Variants in CD300A observed in about 807,000 individuals in gnomAD.
CD300A encodes CD300a molecule.
In CD300A, 22 loss-of-function variants were observed where a neutral mutation model predicts 33.6. The ratio of observed to expected loss-of-function variants is 0.66; its 90% confidence interval spans 0.47 to 0.94. The LOEUF (loss-of-function observed/expected upper bound fraction) is 0.94. CD300A is among the 40% of genes least tolerant of loss of function. CD300A has a pLI of 0.00. For missense variants in CD300A, 326 were observed against 360.5 expected (o/e 0.90, Z 0.77); for synonymous variants, 136 against 148.1 (o/e 0.92, Z 0.59).
chr17:74,474,018 G>C, intron 2 of CD300A, 144 bp downstream of exon 2: 1 of 905,910 alleles, frequency 1.1e-6, no homozygotes, highest in Non-Finnish European at 1.6e-6. Flanking sequence ...ACACAGTCAG[G>C]GGGTCTCTCC....
chr17:74,482,648 G>C (rs986678459), intron 6 of CD300A, among the ~76,000 whole-genome samples: 1 of 149,902 alleles, frequency 6.7e-6, no homozygotes, highest in Admixed American at 6.6e-5. Context: ...GTGGTCTGGG[G>C]GCCCAGGGTC....
rs1598113197 is a variant in CD300A, at chr17:74,484,343, A to C, written c.*217A>C. On this transcript the variant is annotated 3_prime_UTR_variant, in exon 7 of 7. Coordinates refer to ENST00000360141, the MANE Select transcript of CD300A (RefSeq NM_007261.4). ...GGGGCTCCGGAGAGCAGCAGGAAGC[A>C]CTCCCAGCCACCAGTGCCTGTCACC... 1.4e-5 allele frequency: 6 copies of C among 437,796 alleles called. No individual in the cohort carries two copies. The highest frequency in any genetic ancestry group is 3.9e-5 in the East Asian group (1 of 25,470). The allele number at this position is 437,796 out of a possible 1,614,324, so 27.1% of individuals were successfully genotyped here.
intron 6 of CD300A, among the ~76,000 whole-genome samples, chr17:74,482,762 A>G (rs1010378959): frequency 3.5e-5 from 5 of 143,446 alleles, no homozygotes; most frequent in Non-Finnish European, 4.4e-5. Context: ...CCAGGCTGGA[A>G]TGCAGTGGCA....
chr17:74,475,107 G>A (rs1270423162), intron 3 of CD300A, among the ~76,000 whole-genome samples: 1 of 152,138 alleles, frequency 6.6e-6, no homozygotes, highest in Non-Finnish European at 1.5e-5. Flanking sequence ...GTTCCACATG[G>A]CTGAGGAGGC....
chr17:74,474,514 T>A lies in CD300A; in HGVS notation c.380-18T>A. 1 of 1,613,464 alleles carries A rather than the reference T, an allele frequency of 6.2e-7. No individual in the cohort carries two copies. Among genetic ancestry groups the A allele is most frequent in the Non-Finnish European group, 8.5e-7 (1 of 1,179,570 alleles). ...CAGAGGACAGCTCCCTGGGTCTGAC[T>A]TGTGGTTTTGCCACCAGCATCAACG... On this transcript the variant is annotated intron_variant, in intron 2 of 6. Coordinates refer to ENST00000360141, the MANE Select transcript of CD300A (RefSeq NM_007261.4).
rs569245082 is a variant in CD300A, at chr17:74,466,644, C to T, written c.-60C>T. ...CGGGGCCTTGGAGGCGTGACTTTCC[C>T]CTCGGGTCCAGGTAGGGCCTGGAGC... On this transcript the variant is annotated 5_prime_UTR_variant, in exon 1 of 7. Coordinates refer to ENST00000360141, the MANE Select transcript of CD300A (RefSeq NM_007261.4). The T allele has an allele frequency of 6.5e-7, 1 of 1,549,898 alleles. No individual in the cohort carries two copies. Among genetic ancestry groups the T allele is most frequent in the Non-Finnish European group, 8.8e-7 (1 of 1,142,422 alleles).
At chr17:74,478,345 G>A (rs115684338) in intron 4 of CD300A, among the ~76,000 whole-genome samples, 6,100 of 152,274 alleles carry the variant, frequency 0.04, 190 homozygotes, top group Middle Eastern at 0.082. Context: ...GTGCTTCAAG[G>A]AGGTACAGAA....
At chr17:74,467,243 G>A (rs1222651807) in intron 1 of CD300A, among the ~76,000 whole-genome samples, 1 of 149,596 alleles carries the variant, frequency 6.7e-6, no homozygotes, top group Non-Finnish European at 1.5e-5. Flanking sequence ...GAGGGAGATA[G>A]GGTCGGGGTG....
chr17:74,468,507 A>T (rs2144499084), intron 1 of CD300A, among the ~76,000 whole-genome samples: 1 of 150,580 alleles, frequency 6.6e-6, no homozygotes, highest in Non-Finnish European at 1.5e-5. Context: ...TGGATTCTTA[A>T]TTTTTTTTAG....
Position 74,481,920 on chromosome 17 carries a change from G to A in CD300A, c.774+87G>A. The A allele has an allele frequency of 3.2e-6, 3 of 930,292 alleles. No individual in the cohort carries two copies. In the South Asian group the frequency reaches 4.4e-5, roughly 14 times the overall value. 57.6% of individuals were successfully genotyped at this position (930,292 alleles called of 1,614,324 possible). A position where few individuals can be genotyped will look rare whatever the true frequency, so the allele number is the denominator to read the frequency against. Reference sequence around the variant, plus strand: ...GAGGGTGGGCAGAAGGGGAAGGAAGGGGTCGGCTTGGTGATCTTGTGCCTG... The same window carrying A: ...GAGGGTGGGCAGAAGGGGAAGGAAGAGGTCGGCTTGGTGATCTTGTGCCTG... On this transcript the variant is annotated intron_variant, in intron 6 of 6. Transcript: ENST00000360141.
chr17:74,473,265 G>C (rs1906225731), intron 1 of CD300A, among the ~76,000 whole-genome samples: 1 of 152,108 alleles, frequency 6.6e-6, no homozygotes, highest in Non-Finnish European at 1.5e-5. Context: ...TGAGGGCTGG[G>C]GGTGCTGATG....
Position 74,480,609 on chromosome 17 carries a change from C to G in CD300A, c.629-680C>G, listed in dbSNP as rs1906773945. On this transcript the variant is annotated intron_variant, in intron 4 of 6. Coordinates refer to ENST00000360141, the MANE Select transcript of CD300A (RefSeq NM_007261.4). The surrounding 1 kb of genome is among the most constrained non-coding windows in gnomAD (Gnocchi z 4.2). Reference sequence around the variant, plus strand: ...AGAGGCCCCAGCAACTTCCCACAGTCTGATGCAGCCCTAAGCCCCAGATGC... The same window carrying G: ...AGAGGCCCCAGCAACTTCCCACAGTGTGATGCAGCCCTAAGCCCCAGATGC... 6.6e-6 allele frequency among the ~76,000 whole-genome samples: 1 copy of G among 152,206 alleles called. No homozygotes were observed. The highest frequency in any genetic ancestry group is 6.5e-5 in the Admixed American group (1 of 15,282).
intron 1 of CD300A, among the ~76,000 whole-genome samples, chr17:74,469,604 C>T (rs1331635635): frequency 6.6e-6 from 1 of 152,184 alleles, no homozygotes; most frequent in African/African-American, 2.4e-5. Context: ...GCGGGTGGAT[C>T]ACTTGAGGTC....
At position 74,466,739 on chromosome 17, in the gene CD300A, C is replaced by T; in HGVS notation, c.36C>T (p.Val12=). The part of the protein sequence containing the change: ...WLPWALLLLW[V]PGCFALSKCR... ...CTTGGGCTCTGTTGCTTCTCTGGGT[C>T]CCAGGTGAGAGTTTCCCTTCCCGGG... is the stretch of plus-strand genomic sequence containing the variant. Residue 12 remains valine, a synonymous_variant, in exon 1 of 7, where the codon GTC becomes GTT. Coordinates refer to ENST00000360141, the MANE Select transcript of CD300A (RefSeq NM_007261.4). The T allele has an allele frequency of 6.3e-7, 1 of 1,592,308 alleles. No individual in the cohort carries two copies. The highest frequency in any genetic ancestry group is 2.3e-5 in the East Asian group (1 of 44,118).
rs12603980 is a variant in CD300A at position 74,482,374 on chromosome 17, C to T, written c.774+541C>T. 2.4e-4 allele frequency among the ~76,000 whole-genome samples: 36 copies of T among 151,838 alleles called. No individual in the cohort carries two copies. In the East Asian group the frequency reaches 4.3e-3, roughly 18 times the overall value. On this transcript the variant is annotated intron_variant, in intron 6 of 6. Coordinates refer to ENST00000360141, the MANE Select transcript of CD300A (RefSeq NM_007261.4). ...CATCAGCAGGGAAGCTTAAAGTGCC[C>T]CCAGGCCTGGGAGCTGAAGAGGCCC...
chr17:74,478,378 G>A (rs1411151339), intron 4 of CD300A, among the ~76,000 whole-genome samples: 1 of 152,174 alleles, frequency 6.6e-6, no homozygotes, highest in Admixed American at 6.5e-5. Context: ...AAATTAATGT[G>A]TTATTCAGTA....
At chr17:74,470,837 A>T (rs1906051030) in intron 1 of CD300A, among the ~76,000 whole-genome samples, 1 of 151,426 alleles carries the variant, frequency 6.6e-6, no homozygotes, top group South Asian at 2.1e-4. Flanking sequence ...TTTGGTAGAG[A>T]TGGGGGTCTC....
At chr17:74,472,766 C>T (rs1052595555) in intron 1 of CD300A, among the ~76,000 whole-genome samples, 2 of 152,094 alleles carry the variant, frequency 1.3e-5, no homozygotes, top group East Asian at 1.9e-4. Flanking sequence ...CATGCCACCA[C>T]GCCCAGCTAA....
chr17:74,470,060 C>G (rs1905992260), intron 1 of CD300A: 1 of 985,208 alleles, frequency 1.0e-6, no homozygotes, highest in African/African-American at 1.7e-5. Flanking sequence ...GGTCAAGATT[C>G]TGTGATCTTC....
Sources: allele counts gnomAD v4.1 joint callset (sites outside exome capture counted in the v4.1 genomes callset), GRCh38; gene constraint gnomAD v4.1.1; non-coding constraint Gnocchi (gnomAD v3.1); transcripts MANE v1.5; gene names NCBI Gene and HGNC (gene_info 2026-07-23, HGNC 2026-07-21).